The following ASAP2 variants were observed in gnomAD, a reference collection of about 807,000 sequenced individuals.
ASAP2 encodes ArfGAP with SH3 domain, ankyrin repeat and PH domain 2.
In ASAP2, 45 loss-of-function variants were observed where a neutral mutation model predicts 131.4. The ratio of observed to expected loss-of-function variants is 0.34; its 90% CI spans 0.27 to 0.44. ASAP2 has a LOEUF of 0.44. ASAP2 is among the 20% of genes least tolerant of loss of function. The probability of loss-of-function intolerance (pLI) is 1.00; values close to 1 mark genes in which losing one functional copy is unlikely to be tolerated. For missense variants in ASAP2, 1,011 were observed against 1,297.0 expected (o/e 0.78, Z 3.39); for synonymous variants, 510 against 503.0 (o/e 1.01, Z -0.19).
At position 9,392,042 on chromosome 2, in the gene ASAP2, T is replaced by G. The variant is rs1675768292; in HGVS notation, c.2518+846T>G. Among the ~76,000 whole-genome samples, 1 of 152,136 alleles carries G rather than the reference T, an allele frequency of 6.6e-6. No individual in the cohort carries two copies. Among genetic ancestry groups the G allele is most frequent in the Admixed American group, 6.5e-5 (1 of 15,274 alleles). ...ATTATTGGTGCAAGCGTATTTTTTGTAGAGACAGGGTTTTGCTATGTTGCC... is the reference window on the plus strand; with the variant it reads ...ATTATTGGTGCAAGCGTATTTTTTGGAGAGACAGGGTTTTGCTATGTTGCC... On this transcript the variant is annotated intron_variant, in intron 23 of 27. Transcript: ENST00000281419. This position sits in a 1 kb window ranked among gnomAD's most constrained non-coding sequence, Gnocchi z 4.0.
intron 14 of ASAP2, among the ~76,000 whole-genome samples, chr2:9,357,952 C>T (rs1013681753): frequency 6.6e-6 from 1 of 152,160 alleles, no homozygotes; most frequent in African/African-American, 2.4e-5. Context: ...TTTAATTTCC[C>T]ATTTTTAGCA....
At chr2:9,365,156 A>T (rs1434570277) in intron 15 of ASAP2, among the ~76,000 whole-genome samples, 3 of 152,248 alleles carry the variant, frequency 2.0e-5, no homozygotes, top group Non-Finnish European at 4.4e-5. Context: ...TAAAGACATC[A>T]TATGTAAACT....
chr2:9,275,964 G>C (rs556655871), intron 1 of ASAP2, among the ~76,000 whole-genome samples: 40 of 152,324 alleles, frequency 2.6e-4, no homozygotes, highest in Admixed American at 5.9e-4. Context: ...GGTAGCTGCT[G>C]TAGTGGATGG....
At chr2:9,343,907 G>C (rs1671773781) in intron 9 of ASAP2, among the ~76,000 whole-genome samples, 1 of 152,216 alleles carries the variant, frequency 6.6e-6, no homozygotes, top group Non-Finnish European at 1.5e-5. Context: ...TGACCATGTG[G>C]ATGGTTTACC....
In ASAP2 at chr2:9,404,775, T is replaced by C. The variant is rs1677070927; in HGVS notation, c.*1448T>C. ...TTGGCATTGTACTTTTTGTTTTTGT[T>C]ATAAAGGAAGACAGAACAAACTGGA... On this transcript the variant is annotated 3_prime_UTR_variant, in exon 28 of 28. Coordinates refer to ENST00000281419, the MANE Select transcript of ASAP2 (RefSeq NM_003887.3). 1.3e-5 allele frequency: 2 copies of C among 152,544 alleles called. No homozygotes were observed. Among genetic ancestry groups the C allele is most frequent in the Admixed American group, 1.3e-4 (2 of 15,264 alleles). The allele number at this position is 152,544 out of a possible 1,614,324, so 9.4% of individuals were successfully genotyped here. A position where few individuals can be genotyped will look rare whatever the true frequency, so the allele number is the denominator to read the frequency against.
intron 1 of ASAP2, among the ~76,000 whole-genome samples, chr2:9,252,668 C>T (rs1475591241): frequency 6.6e-6 from 1 of 152,126 alleles, no homozygotes; most frequent in South Asian, 2.1e-4. Context: ...GTAATCCCAG[C>T]ACTTAGGGAG....
rs542204342 is a variant in ASAP2 at position 9,235,016 on chromosome 2, C to T, written c.126+27786C>T. Among the ~76,000 whole-genome samples the T allele has an allele frequency of 1.8e-4, 28 of 152,156 alleles. 1 individual carries two copies. The South Asian group carries it at 2.5e-3, about 14-fold the overall frequency. ...AATGATGACTGGTGCAAGGAGTAGA[C>T]GGCCCAGCCTTCTGCTTGCTCTGCC... On this transcript the variant is annotated intron_variant, in intron 1 of 27. Transcript: ENST00000281419.
At chr2:9,267,067 T>A (rs1435781335) in intron 1 of ASAP2, among the ~76,000 whole-genome samples, 2 of 152,240 alleles carry the variant, frequency 1.3e-5, no homozygotes, top group Non-Finnish European at 2.9e-5. Flanking sequence ...ATGCTTTAAT[T>A]TTACTTGTAT....
At chr2:9,322,176 T>C (rs1670189107) in intron 5 of ASAP2, among the ~76,000 whole-genome samples, 1 of 152,218 alleles carries the variant, frequency 6.6e-6, no homozygotes, top group South Asian at 2.1e-4. Context: ...TGTGTGTTTA[T>C]TTTTCACTCA....
rs1308920116 is a variant in ASAP2, at chr2:9,281,964, C to G, written c.199+2575C>G. 6.6e-6 allele frequency among the ~76,000 whole-genome samples: 1 copy of G among 152,194 alleles called. No homozygotes were observed. The highest frequency in any genetic ancestry group is 6.5e-5 in the Admixed American group (1 of 15,276). On this transcript the variant is annotated intron_variant, in intron 2 of 27. Transcript: ENST00000281419. The surrounding 1 kb of genome is among the most constrained non-coding windows in gnomAD (Gnocchi z 4.0). The stretch of plus-strand genomic sequence containing the variant: ...CTGTGCCCTTCTTTGAAATAACTTG[C>G]AGTTTTCCCCAGAGAGCCACGTTTT...
chr2:9,268,033 C>T lies in ASAP2; in HGVS notation c.127-11284C>T, dbSNP rs1373200022. On this transcript the variant is annotated intron_variant, in intron 1 of 27. Coordinates refer to ENST00000281419, the MANE Select transcript of ASAP2 (RefSeq NM_003887.3). This position sits in a 1 kb window ranked among gnomAD's most constrained non-coding sequence, Gnocchi z 4.1. ...TGCCCTGACTGCAGCCCTCAGCTTG[C>T]CTCAGTTTGTAGTTTGCCAACAAGG... Among the ~76,000 whole-genome samples, 2 of 152,120 alleles carry T rather than the reference C, an allele frequency of 1.3e-5. No homozygotes were observed. Among genetic ancestry groups the T allele is most frequent in the East Asian group, 3.8e-4 (2 of 5,196 alleles).
chr2:9,290,192 T>C (rs1406863866), intron 2 of ASAP2, among the ~76,000 whole-genome samples: 1 of 151,812 alleles, frequency 6.6e-6, no homozygotes, highest in East Asian at 1.9e-4. Context: ...CATATTCTAA[T>C]GTTATTTATT....
In ASAP2 at chr2:9,311,745, A is replaced by G. The variant is rs1669315864; in HGVS notation, c.346-6779A>G. Among the ~76,000 whole-genome samples, 1 of 152,334 alleles carries G rather than the reference A, an allele frequency of 6.6e-6. No individual in the cohort carries two copies. Among genetic ancestry groups the G allele is most frequent in the East Asian group, 1.9e-4 (1 of 5,182 alleles). On this transcript the variant is annotated intron_variant, in intron 3 of 27. Coordinates refer to ENST00000281419, the MANE Select transcript of ASAP2 (RefSeq NM_003887.3). This position sits in a 1 kb window ranked among gnomAD's most constrained non-coding sequence, Gnocchi z 5.2. ...GCTGCTGGACACACAGAGGAAGCCC[A>G]GAGCCTGCCCGCCACTCAGGCTGCA...
chr2:9,222,417 G>A (rs574345630), intron 1 of ASAP2, among the ~76,000 whole-genome samples: 2 of 152,306 alleles, frequency 1.3e-5, no homozygotes, highest in South Asian at 2.1e-4. Flanking sequence ...GCCAGGCCTC[G>A]TGTGTTCTCT....
intron 7 of ASAP2, among the ~76,000 whole-genome samples, chr2:9,329,111 C>T (rs1481169819): frequency 6.6e-6 from 1 of 152,000 alleles, no homozygotes; most frequent in Non-Finnish European, 1.5e-5. Context: ...TGAGTAGGAG[C>T]CGGCAGATAA....
At chr2:9,399,762 C>T (rs1676468661) in intron 24 of ASAP2, 1 of 529,508 alleles carries the variant, frequency 1.9e-6, no homozygotes. Context: ...CACTCCAGAC[C>T]CTGGCCATCG....
chr2:9,323,083 C>T (rs748116751), intron 5 of ASAP2, 38 bp from the exon 6 acceptor site: 2 of 1,612,790 alleles, frequency 1.2e-6, no homozygotes, highest in Non-Finnish European at 1.7e-6. Context: ...AGTTCTGTGC[C>T]AACAGGCATC....
chr2:9,234,771 G>A lies in ASAP2; in HGVS notation c.126+27541G>A, dbSNP rs573599952. Among the ~76,000 whole-genome samples, 17 of 152,330 alleles carry A rather than the reference G, an allele frequency of 1.1e-4. No homozygotes were observed. In the East Asian group the frequency reaches 2.9e-3, roughly 26 times the overall value. ...AAGTCTGGTCAGCCACTCTGGGGCCGATGCACAGGGGCCCAGCCTGGAGCC... is the reference window on the plus strand; with the variant it reads ...AAGTCTGGTCAGCCACTCTGGGGCCAATGCACAGGGGCCCAGCCTGGAGCC... On this transcript the variant is annotated intron_variant, in intron 1 of 27. Transcript: ENST00000281419.
chr2:9,207,658 G>T lies in ASAP2; in HGVS notation c.126+428G>T, dbSNP rs558070786. ...AGCTCCGCGCTCCGAGCTCCCCGCC[G>T]CAGCCCCCGAGCGCCGCAGGGCCCC... On this transcript the variant is annotated intron_variant, in intron 1 of 27. Transcript: ENST00000281419. This position sits in a 1 kb window ranked among gnomAD's most constrained non-coding sequence, Gnocchi z 4.1. Among the ~76,000 whole-genome samples, 3 of 152,070 alleles carry T rather than the reference G, an allele frequency of 2.0e-5. No individual in the cohort carries two copies. In the South Asian group the frequency reaches 6.2e-4, roughly 32 times the overall value.
Sources: gnomAD v4.1 joint callset for allele counts (sites outside exome capture counted in the v4.1 genomes callset) on GRCh38, gnomAD v4.1.1 for gene constraint, Gnocchi (gnomAD v3.1) non-coding constraint, MANE v1.5 for transcripts, NCBI Gene and HGNC (gene_info 2026-07-23, HGNC 2026-07-21) for gene names.